The following RSRC1 variants were observed in gnomAD, a reference collection of about 807,000 sequenced individuals.
RSRC1 encodes arginine and serine rich coiled-coil 1, also known as serine/Arginine-related protein 53.
RSRC1 carries 39 observed loss-of-function variants against 49.1 expected under a neutral mutation model. The ratio of observed to expected loss-of-function variants is 0.79; its 90% confidence interval spans 0.61 to 1.04. The LOEUF (loss-of-function observed/expected upper bound fraction) is 1.04, where lower values mean the gene tolerates loss of function less well. RSRC1 is among the 50% of genes least tolerant of loss of function. The pLI is 0.00. For synonymous variants in RSRC1, 143 were observed against 130.8 expected (o/e 1.09, Z -0.63); for missense variants, 388 against 402.4 (o/e 0.96, Z 0.31).
intron 6 of RSRC1, among the ~76,000 whole-genome samples, chr3:158,445,879 C>A (rs1165958431): frequency 6.6e-6 from 1 of 151,946 alleles, no homozygotes; most frequent in Non-Finnish European, 1.5e-5. Flanking sequence ...CCAAAAAAAT[C>A]ACATTGGGAT....
At chr3:158,333,339 T>C (rs1209578715) in intron 5 of RSRC1, among the ~76,000 whole-genome samples, 2 of 152,198 alleles carry the variant, frequency 1.3e-5, no homozygotes, top group Non-Finnish European at 2.9e-5. Flanking sequence ...AATTAATCTT[T>C]TGTGTTTTGC....
At chr3:158,446,024 T>C (rs1448762354) in intron 6 of RSRC1, among the ~76,000 whole-genome samples, 1 of 152,138 alleles carries the variant, frequency 6.6e-6, no homozygotes, top group East Asian at 1.9e-4. Flanking sequence ...AAGTTTGAGA[T>C]CTACCGCCCT....
At chr3:158,257,877 A>C (rs77031226) in intron 4 of RSRC1, among the ~76,000 whole-genome samples, 3,689 of 152,266 alleles carry the variant, frequency 0.024, 84 homozygotes, top group South Asian at 0.093. Context: ...TGTCAACTTA[A>C]CATCGATTGC....
intron 7 of RSRC1, among the ~76,000 whole-genome samples, chr3:158,478,339 T>C (rs9854620): frequency 0.2 from 31,017 of 151,750 alleles, 3,734 homozygotes; most frequent in African/African-American, 0.34. Flanking sequence ...TTTGTCTTTA[T>C]CTAACCTACA....
chr3:158,384,844 T>C (rs1732882637), intron 6 of RSRC1, among the ~76,000 whole-genome samples: 1 of 151,990 alleles, frequency 6.6e-6, no homozygotes, highest in African/African-American at 2.4e-5. Flanking sequence ...ACCTATGTGA[T>C]GTAGTCCATG....
intron 6 of RSRC1, among the ~76,000 whole-genome samples, chr3:158,415,804 G>A (rs149497906): frequency 0.013 from 1,960 of 151,982 alleles, 26 homozygotes; most frequent in Non-Finnish European, 0.019. Flanking sequence ...ATAAATTATT[G>A]TTATAATTGG....
intron 4 of RSRC1, among the ~76,000 whole-genome samples, chr3:158,258,237 G>GTTTTTTTTTTTTTT (rs1724685253): frequency 2.0e-5 from 1 of 48,786 alleles, no homozygotes; most frequent in Non-Finnish European, 4.0e-5. Flanking sequence ...TTTTTTTTTG[G>GTTTTTTTTTTTTTT]TGTTGATGAA....
chr3:158,258,555 A>T (rs1413821668), intron 4 of RSRC1, among the ~76,000 whole-genome samples: 1 of 151,952 alleles, frequency 6.6e-6, no homozygotes, highest in African/African-American at 2.4e-5. Context: ...GGTGTTCTAT[A>T]ACCTTCTTGT....
intron 5 of RSRC1, among the ~76,000 whole-genome samples, chr3:158,350,423 C>G (rs115372988): frequency 0.044 from 6,733 of 152,112 alleles, 214 homozygotes; most frequent in South Asian, 0.076. Context: ...ATCTGCCCGC[C>G]TTGGCCTCCC....
chr3:158,267,533 TA>T lies in RSRC1; in HGVS notation c.495-30499del, dbSNP rs200838693. Among the ~76,000 whole-genome samples, 1,319 of 152,164 alleles carry T rather than the reference TA, an allele frequency of 8.7e-3. 12 individuals are homozygous for T. Among genetic ancestry groups the T allele is most frequent in the Non-Finnish European group, 0.012 (835 of 67,988 alleles). Reference sequence around the variant, plus strand: ...CAGATCTCTTGAGGTCCTCTTCATTTAAAAAAATTTTTTTTTCTTGTACTCC... The same window carrying T: ...CAGATCTCTTGAGGTCCTCTTCATTTAAAAAATTTTTTTTTCTTGTACTCC... On this transcript the variant is annotated intron_variant, in intron 4 of 9. Coordinates refer to ENST00000611884, the MANE Select transcript of RSRC1 (RefSeq NM_001271838.2).
At chr3:158,430,268 C>T (rs1387105971) in intron 6 of RSRC1, among the ~76,000 whole-genome samples, 2 of 151,856 alleles carry the variant, frequency 1.3e-5, no homozygotes, top group Non-Finnish European at 2.9e-5. Flanking sequence ...TTCAAAGCAG[C>T]GATGGCAGTC....
At chr3:158,424,284 A>G (rs1412593524) in intron 6 of RSRC1, among the ~76,000 whole-genome samples, 2 of 151,672 alleles carry the variant, frequency 1.3e-5, no homozygotes, top group Non-Finnish European at 3.0e-5. Flanking sequence ...AGTTTTTAGC[A>G]TGAAGGGTTG....
intron 7 of RSRC1, among the ~76,000 whole-genome samples, chr3:158,478,153 C>G (rs1368993147): frequency 6.6e-6 from 1 of 151,718 alleles, no homozygotes; most frequent in Admixed American, 6.6e-5. Flanking sequence ...TCTTATCACT[C>G]CTACCACTTT....
chr3:158,241,605 A>G (rs1284678437), intron 4 of RSRC1, among the ~76,000 whole-genome samples: 4 of 152,160 alleles, frequency 2.6e-5, no homozygotes, highest in African/African-American at 9.7e-5. Context: ...AGCCGGGTTA[A>G]GTGAAAACCC....
intron 5 of RSRC1, among the ~76,000 whole-genome samples, chr3:158,339,545 C>T (rs1382153579): frequency 6.6e-6 from 1 of 152,034 alleles, no homozygotes; most frequent in Non-Finnish European, 1.5e-5. Flanking sequence ...TCTCTTACAC[C>T]ATTATCATTC....
rs771609156 is a variant in RSRC1 at position 158,203,155 on chromosome 3, A to G, written c.404A>G (p.Asp135Gly). 1.2e-6 allele frequency: 2 copies of G among 1,613,654 alleles called. No homozygotes were observed. The highest frequency in any genetic ancestry group is 2.2e-5 in the South Asian group (2 of 91,042). ...SHRRTRSRSR[D>G]RERRKGRDKE... Reference sequence around the variant, plus strand: ...AGAAGAACGCGTAGTCGGTCTCGGGATAGAGAACGACGTAAGGGCAGAGAT... The same window carrying G: ...AGAAGAACGCGTAGTCGGTCTCGGGGTAGAGAACGACGTAAGGGCAGAGAT... Residue 135 changes from aspartate (D) to glycine (G), a missense_variant, in exon 4 of 10, where the codon GAT becomes GGT. Physicochemically the swap from Asp to Gly is moderately conservative, Grantham distance 94. Coordinates refer to ENST00000611884, the MANE Select transcript of RSRC1 (RefSeq NM_001271838.2).
At chr3:158,207,734 G>T (rs1721429487) in intron 4 of RSRC1, among the ~76,000 whole-genome samples, 1 of 152,004 alleles carries the variant, frequency 6.6e-6, no homozygotes, top group East Asian at 1.9e-4. Context: ...AGGACAGTAA[G>T]TACAGTAATG....
Position 158,118,471 on chromosome 3 carries a change from G to A in RSRC1, c.-2-3632G>A, listed in dbSNP as rs538759260. Among the ~76,000 whole-genome samples the A allele has an allele frequency of 1.7e-3, 248 of 150,186 alleles. 2 individuals are homozygous for A. The highest frequency in any genetic ancestry group is 4.2e-3 in the African/African-American group (172 of 40,604). On this transcript the variant is annotated intron_variant, in intron 1 of 9. Coordinates refer to ENST00000611884, the MANE Select transcript of RSRC1 (RefSeq NM_001271838.2). The stretch of plus-strand genomic sequence containing the variant: ...TGTGTGTGTGTGTGTGTGCGCGTGC[G>A]CGTGGTTTTTTTAAATTGTCCTTTG...
Position 158,203,359 on chromosome 3 carries a change from GA to G in RSRC1, c.494+118del. 3 of 1,062,272 alleles carry G rather than the reference GA, an allele frequency of 2.8e-6. No homozygotes were observed. In the South Asian group the frequency reaches 6.5e-5, roughly 23 times the overall value. The allele number at this position is 1,062,272 out of a possible 1,614,324, so 65.8% of individuals were successfully genotyped here. On this transcript the variant is annotated intron_variant, in intron 4 of 9. Coordinates refer to ENST00000611884, the MANE Select transcript of RSRC1 (RefSeq NM_001271838.2). ...TGGCTTATTTGCTATAAGAGTAGAAGAAAATGGAATAAAAAGAGAGAATACA... is the reference window on the plus strand; with the variant it reads ...TGGCTTATTTGCTATAAGAGTAGAAGAAATGGAATAAAAAGAGAGAATACA...
Sources: gnomAD v4.1 joint callset for allele counts (sites outside exome capture counted in the v4.1 genomes callset) on GRCh38, gnomAD v4.1.1 for gene constraint, MANE v1.5 for transcripts, NCBI Gene and HGNC (gene_info 2026-07-23, HGNC 2026-07-21) for gene names.